The following LAMA3 variants were observed in gnomAD, a reference collection of about 807,000 sequenced individuals.
LAMA3 encodes laminin subunit alpha-3.
LAMA3 carries 281 observed loss-of-function variants against 402.0 expected under a neutral mutation model. The ratio of observed to expected loss-of-function variants is 0.70; its 90% CI spans 0.63 to 0.77. The LOEUF is 0.77. LAMA3 is among the 30% of genes least tolerant of loss of function. LAMA3 has a pLI of 0.00. For synonymous variants in LAMA3, 1,431 were observed against 1,558.4 expected (o/e 0.92, Z 1.93); for missense variants, 3,840 against 4,215.5 (o/e 0.91, Z 2.47).
intron 56 of LAMA3, 40 bp from the exon 57 acceptor site, chr18:23,914,370 C>A (rs1478212865): frequency 6.2e-7 from 1 of 1,612,980 alleles, no homozygotes. Context: ...ATTTGAGAAA[C>A]CACAATGTGA....
intron 68 of LAMA3, among the ~76,000 whole-genome samples, chr18:23,940,422 T>C (rs1204650917): frequency 2.0e-5 from 3 of 152,214 alleles, no homozygotes; most frequent in Non-Finnish European, 4.4e-5. Context: ...CCCACTGTGC[T>C]CCCTGCAGCA....
At position 23,952,959 on chromosome 18, in the gene LAMA3, A is replaced by G. The variant is rs763279744; in HGVS notation, c.9737-31A>G. The G allele has an allele frequency of 1.1e-4, 185 of 1,613,696 alleles. 2 individuals carry two copies. In the Middle Eastern group the frequency reaches 3.5e-3, roughly 30 times the overall value. On this transcript the variant is annotated intron_variant, in intron 73 of 74. Coordinates refer to ENST00000313654, the MANE Select transcript of LAMA3 (RefSeq NM_198129.4). Reference sequence around the variant, plus strand: ...AGACATTAAGCAGGGCTCACCTCCGATGATAGACCTAACCAGCCTCCTTTC... The same window carrying G: ...AGACATTAAGCAGGGCTCACCTCCGGTGATAGACCTAACCAGCCTCCTTTC...
Position 23,932,404 on chromosome 18 carries a change from C to T in LAMA3, c.8708+113C>T, listed in dbSNP as rs185787576. 1.2e-4 allele frequency: 135 copies of T among 1,156,578 alleles called. No individual in the cohort carries two copies. In the African/African-American group the frequency reaches 1.8e-3, roughly 15 times the overall value. 71.6% of individuals were successfully genotyped at this position (1,156,578 alleles called of 1,614,324 possible). On this transcript the variant is annotated intron_variant, in intron 66 of 74. Coordinates refer to ENST00000313654, the MANE Select transcript of LAMA3 (RefSeq NM_198129.4). ...TTGTCAACATGTGCTGCACGAGACC[C>T]GCATACCACAGTCTTTCAAAATGCC...
At position 23,858,428 on chromosome 18, in the gene LAMA3, G is replaced by A. The variant is rs570792371; in HGVS notation, c.4282-261G>A. On this transcript the variant is annotated intron_variant, in intron 33 of 74. Coordinates refer to ENST00000313654, the MANE Select transcript of LAMA3 (RefSeq NM_198129.4). ...AATTGGTCTCCCCATCCTGTGAACC[G>A]TATGGTGCTATTTCTCTACTTGCAA... Among the ~76,000 whole-genome samples the A allele has an allele frequency of 1.9e-3, 285 of 152,234 alleles. 2 individuals carry two copies. Among genetic ancestry groups the A allele is most frequent in the Middle Eastern group, 3.4e-3 (1 of 294 alleles).
chr18:23,856,259 A>G (rs1454380656), intron 32 of LAMA3, among the ~76,000 whole-genome samples: 2 of 152,250 alleles, frequency 1.3e-5, no homozygotes, highest in South Asian at 2.1e-4. Flanking sequence ...GATATTTGCC[A>G]AAGAGAAACT....
chr18:23,723,837 T>C (rs2061253187), intron 2 of LAMA3, among the ~76,000 whole-genome samples: 1 of 152,216 alleles, frequency 6.6e-6, no homozygotes. Flanking sequence ...CCTTACATGC[T>C]GTAAGAACTA....
chr18:23,824,420 T>C lies in LAMA3; in HGVS notation c.2429-3T>C, dbSNP rs375381528. The stretch of plus-strand genomic sequence containing the variant: ...CTTAAGCAGTTCTTTGTATTTCTGA[T>C]AGGTGCTGCTCAAAGCAAAGAGATC... On this transcript the variant is annotated splice_region_variant and splice_polypyrimidine_tract_variant and intron_variant, in intron 20 of 74. Transcript: ENST00000313654. 1.8e-5 allele frequency: 29 copies of C among 1,614,076 alleles called. No individual in the cohort carries two copies. Among genetic ancestry groups the C allele is most frequent in the Non-Finnish European group, 2.2e-5 (26 of 1,179,928 alleles).
intron 7 of LAMA3, among the ~76,000 whole-genome samples, chr18:23,761,790 A>G (rs762252900): frequency 1.3e-5 from 2 of 152,264 alleles, no homozygotes; most frequent in Non-Finnish European, 2.9e-5. Flanking sequence ...CAAAGATTAT[A>G]TACAAAAGTT....
rs776135519 is a variant in LAMA3 at position 23,954,955 on chromosome 18, C to T, written c.*307C>T. 9.9e-5 allele frequency: 34 copies of T among 341,834 alleles called. 1 individual carries two copies. The highest frequency in any genetic ancestry group is 1.7e-4 in the Non-Finnish European group (31 of 183,044). The allele number at this position is 341,834 out of a possible 1,614,324, so 21.2% of individuals were successfully genotyped here. On this transcript the variant is annotated 3_prime_UTR_variant, in exon 75 of 75. Transcript: ENST00000313654. ...AATGTCTTTTAAGAAACATTCTTTTCCACTTGTTAAAAAAATTAAATATAT... is the reference window on the plus strand; with the variant it reads ...AATGTCTTTTAAGAAACATTCTTTTTCACTTGTTAAAAAAATTAAATATAT...
Position 23,864,842 on chromosome 18 carries a change from G to A in LAMA3, c.4642G>A (p.Asp1548Asn), listed in dbSNP as rs771187155. The A allele has an allele frequency of 1.1e-5, 18 of 1,613,676 alleles. No individual in the cohort carries two copies. Among genetic ancestry groups the A allele is most frequent in the African/African-American group, 4.0e-5 (3 of 74,918 alleles). Residue 1548 changes from aspartate to asparagine, a missense_variant, in exon 36 of 75, where the codon GAC becomes AAC. Coordinates refer to ENST00000313654, the MANE Select transcript of LAMA3 (RefSeq NM_198129.4). Reference protein sequence around the residue: ...YQAKSFGLPGDMVLLEKKPDV... With the variant: ...YQAKSFGLPGNMVLLEKKPDV... Reference sequence around the variant, plus strand: ...AGCCAAGTCCTTTGGCTTGCCTGGCGACATGGTTCTTCTGGAAAAGAAGCC... The same window carrying A: ...AGCCAAGTCCTTTGGCTTGCCTGGCAACATGGTTCTTCTGGAAAAGAAGCC...
chr18:23,951,563 G>A (rs2082910184), intron 72 of LAMA3, 121 bp from the exon 73 acceptor site: 1 of 728,772 alleles, frequency 1.4e-6, no homozygotes. Context: ...AGCGGAGGAG[G>A]GCCAATATCT....
chr18:23,760,773 G>A (rs996548638), intron 7 of LAMA3, among the ~76,000 whole-genome samples: 1 of 152,188 alleles, frequency 6.6e-6, no homozygotes, highest in Non-Finnish European at 1.5e-5. Flanking sequence ...ATAAACAATA[G>A]CCTCAAAGTT....
intron 1 of LAMA3, among the ~76,000 whole-genome samples, chr18:23,703,187 A>G (rs2060823136): frequency 6.6e-6 from 1 of 152,148 alleles, no homozygotes; most frequent in African/African-American, 2.4e-5. Flanking sequence ...CCCACTAGAG[A>G]TGCTGATTCT....
At chr18:23,910,770 CATGA>C (rs1206028619) in intron 55 of LAMA3, among the ~76,000 whole-genome samples, 1 of 152,132 alleles carries the variant, frequency 6.6e-6, no homozygotes, top group Non-Finnish European at 1.5e-5. Flanking sequence ...TGTGTATCAA[CATGA>C]ATAAATCCAA....
intron 60 of LAMA3, 87 bp from the exon 61 acceptor site, chr18:23,920,848 G>C: frequency 6.6e-7 from 1 of 1,509,094 alleles, no homozygotes; most frequent in Non-Finnish European, 9.2e-7. Context: ...TGAGAGCAGG[G>C]GGGTCTGTGA....
Position 23,946,220 on chromosome 18 carries a change from G to A in LAMA3, c.9287G>A (p.Gly3096Glu), listed in dbSNP as rs760896318. 6.2e-7 allele frequency: 1 copy of A among 1,614,076 alleles called. No homozygotes were observed. The highest frequency in any genetic ancestry group is 8.5e-7 in the Non-Finnish European group (1 of 1,179,986). The change falls in exon 70 of 75, where the codon GGA (glycine) becomes GAA (glutamate). Residue 3096 changes from glycine to glutamate, a missense_variant. Around this residue, in one of 3 missense-constraint regions of LAMA3, gnomAD observed 840 missense variants for 981.9 expected, o/e 0.86. Transcript: ENST00000313654. ...AGGGCCCGGGAGGGAAGTTTGCCTGGAAACTCCACCATCAGCATCAGAGCG... is the reference window on the plus strand; with the variant it reads ...AGGGCCCGGGAGGGAAGTTTGCCTGAAAACTCCACCATCAGCATCAGAGCG... Reference protein sequence around the residue: ...GLRAREGSLPGNSTISIRAPV... With the variant: ...GLRAREGSLPENSTISIRAPV...
At chr18:23,923,385 G>A (rs2081906816) in intron 62 of LAMA3, among the ~76,000 whole-genome samples, 1 of 152,206 alleles carries the variant, frequency 6.6e-6, no homozygotes, top group Non-Finnish European at 1.5e-5. Flanking sequence ...CCTGGCCCAA[G>A]GAGTGGTTAT....
In LAMA3 at chr18:23,879,443, G is replaced by A. The variant is rs936213988; in HGVS notation, c.5113-2493G>A. Among the ~76,000 whole-genome samples, 27 of 152,162 alleles carry A rather than the reference G, an allele frequency of 1.8e-4. No homozygotes were observed. Among genetic ancestry groups the A allele is most frequent in the South Asian group, 4.1e-4 (2 of 4,830 alleles). ...GCAGGCAGCCCCTCCTCCTGCTCTC[G>A]TGGGATGCTGGCACACTTGTGTCCT... On this transcript the variant is annotated intron_variant, in intron 39 of 74. Coordinates refer to ENST00000313654, the MANE Select transcript of LAMA3 (RefSeq NM_198129.4). The surrounding 1 kb of genome is among the most constrained non-coding windows in gnomAD (Gnocchi z 4.2).
intron 23 of LAMA3, among the ~76,000 whole-genome samples, chr18:23,833,279 A>C (rs865888582): frequency 2.0e-5 from 3 of 152,376 alleles, no homozygotes; most frequent in Middle Eastern, 3.4e-3. Context: ...ATATTTGGGC[A>C]TAGAAAATGG....
Sources: allele counts gnomAD v4.1 joint callset (sites outside exome capture counted in the v4.1 genomes callset), GRCh38; gene constraint gnomAD v4.1.1; regional missense constraint gnomAD v4.1.1; non-coding constraint Gnocchi (gnomAD v3.1); transcripts MANE v1.5; gene names NCBI Gene and HGNC (gene_info 2026-07-23, HGNC 2026-07-21).